The following TENM3 variants were observed in gnomAD, a reference collection of about 807,000 sequenced individuals.
The protein encoded by TENM3 is teneurin transmembrane protein 3.
In TENM3, 63 loss-of-function variants were observed where a neutral mutation model predicts 255.1. The ratio of observed to expected loss-of-function variants is 0.25; its 90% CI spans 0.20 to 0.30. The LOEUF (loss-of-function observed/expected upper bound fraction) is 0.30. TENM3 is among the 10% of genes least tolerant of loss of function. The pLI is 1.00. For synonymous variants in TENM3, 1,306 were observed against 1,322.3 expected (o/e 0.99, Z 0.27); for missense variants, 2,929 against 3,461.1 (o/e 0.85, Z 3.86).
chr4:182,467,701 A>G (rs2151431505), intron 3 of TENM3, among the ~76,000 whole-genome samples: 1 of 152,298 alleles, frequency 6.6e-6, no homozygotes, highest in East Asian at 1.9e-4. Flanking sequence ...TCTGGCCTAC[A>G]ACTCCACTTT....
chr4:181,709,050 T>A, the TENM3 span, among the ~76,000 whole-genome samples: 1 of 152,218 alleles, frequency 6.6e-6, no homozygotes, highest in South Asian at 2.1e-4. Flanking sequence ...AAGTCTGTAA[T>A]AATACTTACA....
chr4:181,545,100 G>A, the TENM3 span, among the ~76,000 whole-genome samples: 3 of 152,148 alleles, frequency 2.0e-5, no homozygotes, highest in African/African-American at 4.8e-5. Flanking sequence ...CACACACTCC[G>A]TTTCAGATAC....
intron 2 of TENM3, among the ~76,000 whole-genome samples, chr4:182,326,336 T>C (rs1376944188): frequency 6.6e-6 from 1 of 152,122 alleles, no homozygotes; most frequent in African/African-American, 2.4e-5. Context: ...CGTAGTCTTT[T>C]CACAGATTGA....
the TENM3 span, among the ~76,000 whole-genome samples, chr4:181,533,419 G>A: frequency 3.3e-5 from 5 of 152,218 alleles, no homozygotes; most frequent in Middle Eastern, 3.4e-3. Flanking sequence ...GGGAAGAAGA[G>A]GTGGACAGAA....
chr4:181,737,948 T>C, the TENM3 span, among the ~76,000 whole-genome samples: 1 of 151,616 alleles, frequency 6.6e-6, no homozygotes, highest in Non-Finnish European at 1.5e-5. Context: ...AGTACTACTC[T>C]ATGTATTGTG....
At chr4:182,442,829 T>TAC (rs1561451536) in intron 3 of TENM3, among the ~76,000 whole-genome samples, 1 of 101,946 alleles carries the variant, frequency 9.8e-6, no homozygotes, top group Non-Finnish European at 2.0e-5. Flanking sequence ...TATACATATA[T>TAC]ATACATACAT....
intron 1 of TENM3, among the ~76,000 whole-genome samples, chr4:182,199,430 A>C (rs988001540): frequency 1.3e-5 from 2 of 152,106 alleles, no homozygotes; most frequent in African/African-American, 4.8e-5. Context: ...TCAAAAAACA[A>C]AAAAAAGAAG....
chr4:181,905,619 A>C, the TENM3 span, among the ~76,000 whole-genome samples: 2 of 151,754 alleles, frequency 1.3e-5, no homozygotes, highest in African/African-American at 4.9e-5. Flanking sequence ...TAGCAAATAG[A>C]AATGTTTAAT....
chr4:182,632,048 C>T (rs752467780), intron 5 of TENM3, among the ~76,000 whole-genome samples: 1 of 152,096 alleles, frequency 6.6e-6, no homozygotes, highest in Non-Finnish European at 1.5e-5. Flanking sequence ...ATTGTAATCC[C>T]ACAGTGCATG....
the TENM3 span, among the ~76,000 whole-genome samples, chr4:181,892,554 C>A: frequency 2.6e-5 from 4 of 152,162 alleles, no homozygotes; most frequent in Admixed American, 1.3e-4. Flanking sequence ...TCCCAGTTTA[C>A]TTTCTCGATC....
the TENM3 span, among the ~76,000 whole-genome samples, chr4:181,659,942 T>C: frequency 6.6e-6 from 1 of 152,142 alleles, no homozygotes; most frequent in Non-Finnish European, 1.5e-5. Context: ...AAGCAGTTGT[T>C]GTCACCTCCC....
At chr4:182,409,294 G>C (rs1320862021) in intron 3 of TENM3, among the ~76,000 whole-genome samples, 1 of 152,114 alleles carries the variant, frequency 6.6e-6, no homozygotes, top group Non-Finnish European at 1.5e-5. Context: ...AGATACGCAG[G>C]GTCCTAGAAA....
the TENM3 span, among the ~76,000 whole-genome samples, chr4:181,731,630 T>TA: frequency 6.6e-6 from 1 of 152,170 alleles, no homozygotes; most frequent in Non-Finnish European, 1.5e-5. Flanking sequence ...AAGTATTTAT[T>TA]AAATGCCTAC....
chr4:182,015,112 ACTT>A, the TENM3 span, among the ~76,000 whole-genome samples: 1 of 152,146 alleles, frequency 6.6e-6, no homozygotes, highest in Non-Finnish European at 1.5e-5. Flanking sequence ...CCCCTGCTCT[ACTT>A]CTTCTTTCTA....
chr4:182,258,223 T>C (rs944857332), intron 1 of TENM3, among the ~76,000 whole-genome samples: 4 of 152,200 alleles, frequency 2.6e-5, no homozygotes, highest in Admixed American at 2.6e-4. Context: ...TATCTATTTT[T>C]CTCAATTCTG....
the TENM3 span, among the ~76,000 whole-genome samples, chr4:181,550,215 A>G: frequency 6.6e-6 from 1 of 152,194 alleles, no homozygotes; most frequent in Non-Finnish European, 1.5e-5. Flanking sequence ...TTTCCCCAGT[A>G]TGAGATTTGG....
chr4:182,484,423 T>C (rs1332946481), intron 3 of TENM3, among the ~76,000 whole-genome samples: 1 of 152,194 alleles, frequency 6.6e-6, no homozygotes, highest in African/African-American at 2.4e-5. Context: ...TCTGTTTCCT[T>C]GTTTTCCCTT....
the TENM3 span, among the ~76,000 whole-genome samples, chr4:181,718,700 C>T: frequency 6.6e-6 from 1 of 152,162 alleles, no homozygotes; most frequent in African/African-American, 2.4e-5. Context: ...TCTGTAATCT[C>T]ACATTTTTTT....
the TENM3 span, among the ~76,000 whole-genome samples, chr4:181,596,392 G>A: frequency 3.3e-5 from 5 of 152,002 alleles, no homozygotes; most frequent in South Asian, 2.1e-4. Context: ...CCAGTTTTGG[G>A]TGTCTTTAAA....
Sources: allele counts gnomAD v4.1 joint callset (sites outside exome capture counted in the v4.1 genomes callset), GRCh38; gene constraint gnomAD v4.1.1; transcripts MANE v1.5; gene names NCBI Gene and HGNC (gene_info 2026-07-23, HGNC 2026-07-21).